CUX1: variants seen among roughly 807,000 people sequenced by gnomAD.
CUX1 encodes the protein cut like homeobox 1, also known as protein CASP.
CUX1 carries 31 observed loss-of-function variants against 158.8 expected under a neutral mutation model. The ratio of observed to expected loss-of-function variants is 0.20; its 90% CI spans 0.15 to 0.26. The LOEUF (loss-of-function observed/expected upper bound fraction) is 0.26. Ranked by LOEUF, CUX1 falls within the 10% of genes least tolerant of loss-of-function variation. The pLI is 1.00. For missense variants in CUX1, 1,589 were observed against 2,014.6 expected, an observed-to-expected ratio of 0.79 and a Z score of 4.04; for synonymous variants, 879 against 862.1, an observed-to-expected ratio of 1.02 and a Z score of -0.34.
At chr7:102,142,575 T>C (rs1387030156) in intron 8 of CUX1, among the ~76,000 whole-genome samples, 5 of 151,750 alleles carry the variant, frequency 3.3e-5, no homozygotes, top group African/African-American at 4.8e-5. Context: ...CAGTGAGCCA[T>C]GATAGTACCA....
At chr7:101,984,496 CAA>C (rs569101693) in intron 2 of CUX1, among the ~76,000 whole-genome samples, 58 of 111,636 alleles carry the variant, frequency 5.2e-4, no homozygotes, top group African/African-American at 1.3e-3. Flanking sequence ...TGTTCTCCGG[CAA>C]AAAAAAAAAA....
chr7:101,956,138 CAA>C (rs11462111), intron 2 of CUX1, among the ~76,000 whole-genome samples: 122 of 64,954 alleles, frequency 1.9e-3, no homozygotes, highest in African/African-American at 8.0e-3. Flanking sequence ...GCCCACGTCT[CAA>C]AAAAAAAAAA....
intron 20 of CUX1, among the ~76,000 whole-genome samples, chr7:102,216,819 C>G (rs1344582966): frequency 8.8e-6 from 1 of 113,654 alleles, no homozygotes; most frequent in Non-Finnish European, 1.9e-5. Flanking sequence ...CACACACACT[C>G]TCCCACCACA....
downstream of CUX1, among the ~76,000 whole-genome samples, chr7:102,261,060 C>T (rs1003555926): frequency 1.3e-5 from 2 of 152,266 alleles, no homozygotes; most frequent in East Asian, 3.8e-4. Flanking sequence ...GGCCAGTGGG[C>T]CGTTGCTTAG....
chr7:102,137,191 T>C (rs6970800), intron 8 of CUX1, among the ~76,000 whole-genome samples: 96,944 of 152,090 alleles, frequency 0.64, 32,611 homozygotes, highest in African/African-American at 0.82. Context: ...TCCATGTTAA[T>C]CAAATGCTCC....
intron 1 of CUX1, among the ~76,000 whole-genome samples, chr7:101,857,235 G>A (rs1039316439): frequency 1.3e-5 from 2 of 152,188 alleles, no homozygotes; most frequent in Non-Finnish European, 2.9e-5. Context: ...TCTGAAACCC[G>A]GGCACCTCCT....
At chr7:102,001,912 A>G (rs79995373) in intron 2 of CUX1, among the ~76,000 whole-genome samples, 3,211 of 152,334 alleles carry the variant, frequency 0.021, 97 homozygotes, top group African/African-American at 0.069. Context: ...TGGAGGCATC[A>G]GTGTTCATCC....
At chr7:101,934,401 C>T (rs1806676788) in intron 2 of CUX1, among the ~76,000 whole-genome samples, 1 of 152,176 alleles carries the variant, frequency 6.6e-6, no homozygotes, top group Non-Finnish European at 1.5e-5. Flanking sequence ...TGACAACCTT[C>T]AATACTTAAC....
intron 3 of CUX1, among the ~76,000 whole-genome samples, chr7:102,036,468 G>A (rs777540373): frequency 1.4e-4 from 21 of 152,088 alleles, no homozygotes; most frequent in Non-Finnish European, 2.2e-4. Context: ...GGCCGAGCGC[G>A]TTGGCTCTTA....
chr7:101,964,449 A>T (rs761716411), intron 2 of CUX1, among the ~76,000 whole-genome samples: 1 of 152,166 alleles, frequency 6.6e-6, no homozygotes, highest in Non-Finnish European at 1.5e-5. Flanking sequence ...TGTCCTTGTT[A>T]TTGATGTTAT....
intron 11 of CUX1, among the ~76,000 whole-genome samples, chr7:102,186,084 G>A (rs917225573): frequency 6.6e-6 from 1 of 152,176 alleles, no homozygotes; most frequent in Non-Finnish European, 1.5e-5. Flanking sequence ...CAGAGTCTTC[G>A]AAACCAGGCT....
At chr7:102,062,646 C>T (rs1022097021) in intron 3 of CUX1, among the ~76,000 whole-genome samples, 1 of 152,168 alleles carries the variant, frequency 6.6e-6, no homozygotes, top group East Asian at 1.9e-4. Context: ...CACAGGCATA[C>T]ACCACCACAC....
intron 1 of CUX1, among the ~76,000 whole-genome samples, chr7:101,855,728 AT>A (rs1562932386): frequency 6.6e-6 from 1 of 151,922 alleles, no homozygotes; most frequent in South Asian, 2.1e-4. Flanking sequence ...AAATACAAAA[AT>A]TAGCTGGGCG....
At chr7:101,981,679 C>A (rs1487955930) in intron 2 of CUX1, among the ~76,000 whole-genome samples, 1 of 151,620 alleles carries the variant, frequency 6.6e-6, no homozygotes, top group Non-Finnish European at 1.5e-5. Context: ...GCAGTGCGAT[C>A]TCGGCTCTGC....
chr7:102,122,759 A>G (rs1554493869), intron 8 of CUX1, among the ~76,000 whole-genome samples: 1 of 152,180 alleles, frequency 6.6e-6, no homozygotes, highest in Admixed American at 6.5e-5. Flanking sequence ...AGCATCAGTG[A>G]GAATTGCCAA....
chr7:102,211,353 A>C (rs975192137), intron 20 of CUX1, among the ~76,000 whole-genome samples: 1 of 151,846 alleles, frequency 6.6e-6, no homozygotes, highest in Non-Finnish European at 1.5e-5. Context: ...GGCTGAGGCA[A>C]GAGTATCACT....
At chr7:102,236,444 GTTTT>G (rs1404512120) in intron 22 of CUX1, among the ~76,000 whole-genome samples, 1 of 149,658 alleles carries the variant, frequency 6.7e-6, no homozygotes. Flanking sequence ...TTTTCGTTTT[GTTTT>G]TTGTTTTTTG....
intron 2 of CUX1, 55 bp from the exon 3 acceptor site, chr7:102,028,043 T>G: frequency 3.8e-6 from 6 of 1,599,638 alleles, no homozygotes; most frequent in Non-Finnish European, 1.7e-6. Flanking sequence ...AACCAATGTT[T>G]CCCTTCTTTC....
At chr7:102,072,356 G>A (rs1458724824) in intron 4 of CUX1, among the ~76,000 whole-genome samples, 3 of 152,192 alleles carry the variant, frequency 2.0e-5, no homozygotes, top group South Asian at 2.1e-4. Flanking sequence ...CTGAAGTGAA[G>A]TTATAAAGGT....
Sources: gnomAD v4.1 joint callset for allele counts (sites outside exome capture counted in the v4.1 genomes callset) on GRCh38, gnomAD v4.1.1 for gene constraint, MANE v1.5 for transcripts, NCBI Gene and HGNC (gene_info 2026-07-23, HGNC 2026-07-21) for gene names.